Variants in ZFHX3 observed in about 807,000 individuals in gnomAD.
ZFHX3 encodes the protein zinc finger homeobox 3, also known as zinc finger homeobox protein 3.
ZFHX3 carries 42 observed loss-of-function variants against 279.1 expected under a neutral mutation model. The observed-to-expected ratio is 0.15, with a 90% confidence interval of 0.12 to 0.19. The LOEUF (loss-of-function observed/expected upper bound fraction) is 0.19, where lower values mean the gene tolerates loss of function less well. ZFHX3 is among the 10% of genes least tolerant of loss of function. ZFHX3 has a pLI of 1.00. For missense variants in ZFHX3, 4,981 were observed against 4,754.0 expected (o/e 1.05, Z -1.40); for synonymous variants, 2,293 against 1,957.8 (o/e 1.17, Z -4.52).
At chr16:73,749,361 A>ACCACCT (rs112864998) in intron 1 of ZFHX3, among the ~76,000 whole-genome samples, 8 of 151,684 alleles carry the variant, frequency 5.3e-5, no homozygotes, top group African/African-American at 1.9e-4. Flanking sequence ...CACCACCACC[A>ACCACCT]CTTCCAGGTA....
In ZFHX3 at chr16:73,556,374, T is replaced by C. The variant is rs1321889559; in HGVS notation, c.-1546-100116A>G. 2.6e-5 allele frequency among the ~76,000 whole-genome samples: 4 copies of C among 152,274 alleles called. No homozygotes were observed. In the South Asian group the frequency reaches 8.3e-4, roughly 32 times the overall value. ...TGTAAAATCGTTTCCATATTAACCT[T>C]CTTCCCTTCTGACAATGGTCAAGTT... On this transcript the variant is annotated intron_variant, in intron 2 of 17. Coordinates refer to the ZFHX3 transcript ENST00000641206.
At chr16:73,546,437 TAA>T (rs2020108940) in intron 2 of ZFHX3, among the ~76,000 whole-genome samples, 1 of 148,234 alleles carries the variant, frequency 6.7e-6, no homozygotes, top group Non-Finnish European at 1.5e-5. Flanking sequence ...AGCTGTTTAT[TAA>T]GAGGACAGAG....
At chr16:73,818,070 A>C (rs1285185157) in intron 1 of ZFHX3, among the ~76,000 whole-genome samples, 1 of 152,156 alleles carries the variant, frequency 6.6e-6, no homozygotes, top group Non-Finnish European at 1.5e-5. Flanking sequence ...GGGTAAATTT[A>C]TTTTTTAAGT....
At chr16:73,217,413 T>C (rs2012253428) in intron 5 of ZFHX3, among the ~76,000 whole-genome samples, 1 of 152,146 alleles carries the variant, frequency 6.6e-6, no homozygotes, top group Non-Finnish European at 1.5e-5. Flanking sequence ...AATAAGGAAG[T>C]CAGGTCACAC....
chr16:73,069,602 A>G (rs1965798548), intron 8 of ZFHX3, among the ~76,000 whole-genome samples: 1 of 152,232 alleles, frequency 6.6e-6, no homozygotes, highest in Non-Finnish European at 1.5e-5. Context: ...TTTGGTGGGT[A>G]GAGAAGGGGA....
chr16:73,726,382 AAGG>A (rs2053518937), intron 1 of ZFHX3, among the ~76,000 whole-genome samples: 1 of 152,154 alleles, frequency 6.6e-6, no homozygotes, highest in South Asian at 2.1e-4. Context: ...GATGGACTAG[AAGG>A]AGGTTTTCAA....
chr16:73,261,168 A>G (rs1016876110), intron 4 of ZFHX3, among the ~76,000 whole-genome samples: 1 of 152,256 alleles, frequency 6.6e-6, no homozygotes, highest in African/African-American at 2.4e-5. Context: ...ATTTGAATCC[A>G]TACAGTGGAA....
chr16:73,835,101 C>G (rs1033515681), intron 1 of ZFHX3, among the ~76,000 whole-genome samples: 1 of 152,084 alleles, frequency 6.6e-6, no homozygotes, highest in African/African-American at 2.4e-5. Context: ...CCCCAGCTAC[C>G]AAAAACAAAG....
At chr16:73,868,628 G>T (rs540527726) in intron 1 of ZFHX3, among the ~76,000 whole-genome samples, 44 of 152,270 alleles carry the variant, frequency 2.9e-4, no homozygotes, top group African/African-American at 8.4e-4. Context: ...TTTACCATGT[G>T]AACGCAAAAC....
At chr16:73,095,511 G>A (rs1259943884) in intron 7 of ZFHX3, among the ~76,000 whole-genome samples, 4 of 152,198 alleles carry the variant, frequency 2.6e-5, no homozygotes, top group Non-Finnish European at 4.4e-5. Context: ...TGCCCACAGC[G>A]GCCCAAGTGC....
Position 73,348,258 on chromosome 16 carries a change from G to T in ZFHX3, c.-1290-29922C>A, listed in dbSNP as rs553848009. ...GCTTCTCCAAGTTTACTTAACATTG[G>T]TGAGAAAATAAGTCCTAAGGAAAAG... On this transcript the variant is annotated intron_variant, in intron 3 of 17. Coordinates refer to the ZFHX3 transcript ENST00000641206. 2.1e-4 allele frequency among the ~76,000 whole-genome samples: 32 copies of T among 152,164 alleles called. 1 individual carries two copies. The highest frequency in any genetic ancestry group is 6.8e-3 in the Middle Eastern group (2 of 292).
At chr16:73,412,761 C>A (rs971318184) in intron 3 of ZFHX3, among the ~76,000 whole-genome samples, 3 of 152,204 alleles carry the variant, frequency 2.0e-5, no homozygotes, top group African/African-American at 7.2e-5. Context: ...CACCCAGGTT[C>A]CGAACAACAG....
At chr16:73,139,394 G>A (rs1036065094) in intron 6 of ZFHX3, among the ~76,000 whole-genome samples, 9 of 152,190 alleles carry the variant, frequency 5.9e-5, no homozygotes, top group East Asian at 1.9e-4. Flanking sequence ...CAGGTTAACC[G>A]TGTTTACTTC....
intron 1 of ZFHX3, among the ~76,000 whole-genome samples, chr16:73,031,594 C>T (rs1406009598): frequency 6.6e-6 from 1 of 152,148 alleles, no homozygotes; most frequent in Admixed American, 6.5e-5. Context: ...TTAAGTGTTT[C>T]CAGACAAAAA....
intron 1 of ZFHX3, among the ~76,000 whole-genome samples, chr16:73,741,537 G>A (rs2053657782): frequency 6.6e-6 from 1 of 152,068 alleles, no homozygotes; most frequent in African/African-American, 2.4e-5. Context: ...TTTCTCTATT[G>A]TACTTCAGCC....
At chr16:72,997,137 C>T (rs1963325732) in intron 1 of ZFHX3, among the ~76,000 whole-genome samples, 1 of 152,216 alleles carries the variant, frequency 6.6e-6, no homozygotes, top group South Asian at 2.1e-4. Context: ...GCACACTGCA[C>T]AAGTGTTCCT....
intron 4 of ZFHX3, among the ~76,000 whole-genome samples, chr16:72,861,029 C>A (rs1321847807): frequency 6.6e-6 from 1 of 152,198 alleles, no homozygotes; most frequent in Non-Finnish European, 1.5e-5. Flanking sequence ...TGGCCAACAG[C>A]AACGGGTCAG....
At chr16:73,610,388 C>T (rs1036007371) in intron 2 of ZFHX3, among the ~76,000 whole-genome samples, 7 of 152,106 alleles carry the variant, frequency 4.6e-5, no homozygotes, top group African/African-American at 1.4e-4. Context: ...ATATGAATGT[C>T]GGGTATAGGG....
At chr16:73,259,985 T>A (rs867344669) in intron 4 of ZFHX3, among the ~76,000 whole-genome samples, 9 of 146,782 alleles carry the variant, frequency 6.1e-5, no homozygotes, top group South Asian at 2.1e-4. Flanking sequence ...GTAAAATAAA[T>A]TTTTTTTTTC....
Sources: gnomAD v4.1 joint callset for allele counts (sites outside exome capture counted in the v4.1 genomes callset) on GRCh38, gnomAD v4.1.1 for gene constraint, MANE v1.5 for transcripts, NCBI Gene and HGNC (gene_info 2026-07-23, HGNC 2026-07-21) for gene names.